The following DLG2 variants were observed in gnomAD, a reference collection of about 807,000 sequenced individuals.
DLG2 encodes disks large homolog 2.
In DLG2, 45 loss-of-function variants were observed where a neutral mutation model predicts 132.5. The ratio of observed to expected loss-of-function variants is 0.34; its 90% CI spans 0.27 to 0.44. The LOEUF (loss-of-function observed/expected upper bound fraction) is 0.44, where lower values mean the gene tolerates loss of function less well. Among genes scored for constraint, DLG2 ranks in the 20% least tolerant of loss-of-function variants. DLG2 has a pLI of 1.00. For missense variants in DLG2, 1,045 were observed against 1,196.9 expected (o/e 0.87, Z 1.87); for synonymous variants, 424 against 419.6 (o/e 1.01, Z -0.13).
At chr11:85,623,328 C>T (rs2081853072) in intron 2 of DLG2, among the ~76,000 whole-genome samples, 1 of 150,596 alleles carries the variant, frequency 6.6e-6, no homozygotes, top group South Asian at 2.1e-4. Context: ...TTTTTTGAGA[C>T]GAAGTCTCTC....
rs2088913479 is a variant in DLG2 at position 83,456,062 on chromosome 11, A to G, written c.*3756T>C. 6.5e-6 allele frequency: 1 copy of G among 152,836 alleles called. No homozygotes were observed. The highest frequency in any genetic ancestry group is 2.4e-5 in the African/African-American group (1 of 41,580). The allele number at this position is 152,836 out of a possible 1,614,324, so 9.5% of individuals were successfully genotyped here. A position where few individuals can be genotyped will look rare whatever the true frequency, so the allele number is the denominator to read the frequency against. On this transcript the variant is annotated 3_prime_UTR_variant, in exon 28 of 28. Transcript: ENST00000376104. ...GGGAAAAAGAAAGCTTATGAATGGG[A>G]AAAAAATGTCTCTCTCCAAACCAAG...
intron 19 of DLG2, among the ~76,000 whole-genome samples, chr11:83,577,695 T>G (rs1467075361): frequency 1.9e-4 from 24 of 126,078 alleles, no homozygotes; most frequent in Non-Finnish European, 3.6e-4. Context: ...CTATAATAAA[T>G]AGGATATTAT....
chr11:84,031,227 A>G (rs1295811816), intron 11 of DLG2, among the ~76,000 whole-genome samples: 1 of 91,228 alleles, frequency 1.1e-5, no homozygotes, highest in African/African-American at 3.3e-5. Flanking sequence ...TCTATTCCAG[A>G]AAGGTAAAAA....
chr11:85,130,825 G>C (rs568179006), intron 5 of DLG2, among the ~76,000 whole-genome samples: 8 of 152,262 alleles, frequency 5.3e-5, no homozygotes, highest in African/African-American at 1.9e-4. Flanking sequence ...TATCAACAGT[G>C]GTAGACTAAA....
At chr11:83,618,286 A>G (rs2061137585) in intron 19 of DLG2, among the ~76,000 whole-genome samples, 1 of 152,152 alleles carries the variant, frequency 6.6e-6, no homozygotes, top group South Asian at 2.1e-4. Flanking sequence ...TATAAAATAT[A>G]TATCACTAGA....
At chr11:84,215,886 C>T (rs2096829616) in intron 8 of DLG2, among the ~76,000 whole-genome samples, 2 of 152,288 alleles carry the variant, frequency 1.3e-5, no homozygotes, top group South Asian at 4.1e-4. Flanking sequence ...ATTCCAATTG[C>T]TCACTGCTTA....
chr11:84,099,369 G>C (rs10898202), intron 9 of DLG2, among the ~76,000 whole-genome samples: 124,676 of 151,988 alleles, frequency 0.82, 52,143 homozygotes, highest in Middle Eastern at 0.94. Context: ...AGAATCATTA[G>C]AGTGTCAACT....
rs1393570262 is a variant in DLG2, at chr11:84,094,733, T to A, written c.749+4190A>T. Among the ~76,000 whole-genome samples the A allele has an allele frequency of 2.6e-5, 4 of 152,104 alleles. No individual in the cohort carries two copies. In the East Asian group the frequency reaches 5.8e-4, roughly 22 times the overall value. On this transcript the variant is annotated intron_variant, in intron 10 of 27. Coordinates refer to ENST00000376104, the MANE Select transcript of DLG2 (RefSeq NM_001142699.3). ...GTACTCCACCTTCAAAACCTAATCATCTCTCAAAGGCCCCACCTCCTGATA... is the reference window on the plus strand; with the variant it reads ...GTACTCCACCTTCAAAACCTAATCAACTCTCAAAGGCCCCACCTCCTGATA...
At chr11:83,799,304 T>C (rs1337842085) in intron 17 of DLG2, among the ~76,000 whole-genome samples, 2 of 152,200 alleles carry the variant, frequency 1.3e-5, no homozygotes, top group African/African-American at 4.8e-5. Context: ...TAAGTGGCTA[T>C]GGAAGGGTTT....
At chr11:84,759,184 T>C (rs977772412) in intron 6 of DLG2, among the ~76,000 whole-genome samples, 18 of 152,096 alleles carry the variant, frequency 1.2e-4, no homozygotes, top group African/African-American at 4.3e-4. Flanking sequence ...AGCCCTAACT[T>C]ATTAATTCTA....
At chr11:83,706,227 A>AG (rs1320963447) in intron 18 of DLG2, among the ~76,000 whole-genome samples, 2 of 151,952 alleles carry the variant, frequency 1.3e-5, no homozygotes, top group East Asian at 1.9e-4. Context: ...AAAAAAAAAA[A>AG]AAAACATTTT....
chr11:83,502,448 C>A (rs1315655010), intron 21 of DLG2, among the ~76,000 whole-genome samples: 2 of 149,154 alleles, frequency 1.3e-5, no homozygotes, highest in Non-Finnish European at 3.0e-5. Flanking sequence ...AAATTTTATA[C>A]CTTATTTCTA....
intron 6 of DLG2, among the ~76,000 whole-genome samples, chr11:84,598,547 C>T (rs373117777): frequency 2.0e-5 from 3 of 152,080 alleles, no homozygotes; most frequent in Non-Finnish European, 4.4e-5. Context: ...CCAGGTACCA[C>T]GCTTATCTAA....
At chr11:84,703,030 A>G (rs1334286668) in intron 6 of DLG2, among the ~76,000 whole-genome samples, 1 of 151,686 alleles carries the variant, frequency 6.6e-6, no homozygotes, top group Non-Finnish European at 1.5e-5. Context: ...TCCTTATAGT[A>G]TTATCAAAAC....
At chr11:84,355,711 A>G (rs111859439) in intron 7 of DLG2, among the ~76,000 whole-genome samples, 13 of 152,146 alleles carry the variant, frequency 8.5e-5, no homozygotes, top group Admixed American at 5.2e-4. Flanking sequence ...CAGAAATTTT[A>G]AAAAAAGATC....
chr11:85,508,308 G>A (rs1290478045), intron 3 of DLG2, among the ~76,000 whole-genome samples: 3 of 151,170 alleles, frequency 2.0e-5, no homozygotes, highest in African/African-American at 7.3e-5. Context: ...ACAGTGACAT[G>A]CTTGATGTTT....
rs530230318 is a variant in DLG2, at chr11:84,165,095, A to G, written c.574-1584T>C. 3.9e-5 allele frequency among the ~76,000 whole-genome samples: 6 copies of G among 152,322 alleles called. No homozygotes were observed. The South Asian group carries it at 1.0e-3, about 26-fold the overall frequency. On this transcript the variant is annotated intron_variant, in intron 8 of 27. Transcript: ENST00000376104. ...TTCTTTGATGGATAGGAAGAGGACA[A>G]TAGGGGAAGGCTGAATTAACGAGAT...
intron 4 of DLG2, among the ~76,000 whole-genome samples, chr11:85,268,082 T>C (rs1449777509): frequency 6.6e-6 from 1 of 152,200 alleles, no homozygotes; most frequent in African/African-American, 2.4e-5. Context: ...TTATTTAACC[T>C]GACAAATTTC....
intron 7 of DLG2, among the ~76,000 whole-genome samples, chr11:84,515,808 C>T (rs916331199): frequency 3.3e-5 from 5 of 151,728 alleles, no homozygotes; most frequent in Admixed American, 6.6e-5. Flanking sequence ...GCACATAGAG[C>T]ATTTTCCAAA....
Sources: gnomAD v4.1 joint callset for allele counts (sites outside exome capture counted in the v4.1 genomes callset) on GRCh38, gnomAD v4.1.1 for gene constraint, MANE v1.5 for transcripts, NCBI Gene and HGNC (gene_info 2026-07-23, HGNC 2026-07-21) for gene names.